Variants in AGTPBP1 observed in about 807,000 individuals in gnomAD.
AGTPBP1 encodes cytosolic carboxypeptidase 1.
AGTPBP1 carries 70 observed loss-of-function variants against 143.9 expected under a neutral mutation model. That is an observed-to-expected ratio of 0.49 (90% CI 0.40 to 0.59). The LOEUF is 0.59. Ranked by LOEUF, AGTPBP1 falls within the 20% of genes least tolerant of loss-of-function variation. The probability of loss-of-function intolerance (pLI) is 0.00; values close to 1 mark genes in which losing one functional copy is unlikely to be tolerated. For missense variants in AGTPBP1, 1,229 were observed against 1,464.5 expected (o/e 0.84, Z 2.62); for synonymous variants, 463 against 500.2 (o/e 0.93, Z 0.99).
In AGTPBP1 at chr9:85,578,906, C is replaced by G; in HGVS notation, c.3342+14G>C. 6.2e-7 allele frequency: 1 copy of G among 1,608,422 alleles called. No homozygotes were observed. Among genetic ancestry groups the G allele is most frequent in the East Asian group, 2.3e-5 (1 of 44,396 alleles). On this transcript the variant is annotated intron_variant, in intron 24 of 25. Coordinates refer to ENST00000357081, the MANE Select transcript of AGTPBP1 (RefSeq NM_001330701.2). ...CAAATATCTTTCATGGTTAGAAAAC[C>G]TAAGATGTTTTACCTTGTATTTTCC...
chr9:85,704,361 G>A (rs1393422380), intron 2 of AGTPBP1, among the ~76,000 whole-genome samples: 2 of 152,130 alleles, frequency 1.3e-5, no homozygotes, highest in African/African-American at 4.8e-5. Context: ...AGGAGTGTAA[G>A]GAAACTACCC....
intron 25 of AGTPBP1, among the ~76,000 whole-genome samples, chr9:85,565,340 T>C (rs1331471872): frequency 1.3e-5 from 2 of 151,620 alleles, no homozygotes; most frequent in Non-Finnish European, 2.9e-5. Context: ...GAGGGCTAAG[T>C]TGTGGAATAA....
chr9:85,686,003 TA>T (rs1564143897), intron 3 of AGTPBP1, among the ~76,000 whole-genome samples: 1 of 151,500 alleles, frequency 6.6e-6, no homozygotes, highest in Non-Finnish European at 1.5e-5. Context: ...AACGAAATTC[TA>T]AAAAAAAGTT....
intron 8 of AGTPBP1, among the ~76,000 whole-genome samples, chr9:85,667,559 C>A (rs1834201633): frequency 6.6e-6 from 1 of 152,054 alleles, no homozygotes; most frequent in African/African-American, 2.4e-5. Context: ...GGGTAGATAA[C>A]CTCAACTCAA....
the AGTPBP1 span, among the ~76,000 whole-genome samples, chr9:85,775,410 G>T: frequency 6.6e-6 from 1 of 151,554 alleles, no homozygotes; most frequent in Non-Finnish European, 1.5e-5. Context: ...CAGCATTTTG[G>T]AAGGTTGTGG....
At position 85,692,820 on chromosome 9, in the gene AGTPBP1, A is replaced by G; in HGVS notation, c.33-7T>C. ...CCTAGAATTATTGGTAAGGCTAAAA[A>G]GAACGTAGAATGTTAGGGCACATTC... On this transcript the variant is annotated splice_region_variant and splice_polypyrimidine_tract_variant and intron_variant, in intron 2 of 25. Coordinates refer to ENST00000357081, the MANE Select transcript of AGTPBP1 (RefSeq NM_001330701.2). The G allele has an allele frequency of 4.3e-6, 7 of 1,612,466 alleles. No homozygotes were observed. The highest frequency in any genetic ancestry group is 5.9e-6 in the Non-Finnish European group (7 of 1,179,434).
intron 11 of AGTPBP1, among the ~76,000 whole-genome samples, chr9:85,651,962 C>T (rs1833188050): frequency 6.6e-6 from 1 of 152,012 alleles, no homozygotes; most frequent in Non-Finnish European, 1.5e-5. Flanking sequence ...CTGCTAAATC[C>T]CTTGGAATTT....
intron 9 of AGTPBP1, among the ~76,000 whole-genome samples, chr9:85,658,964 G>A (rs1833696539): frequency 1.3e-5 from 2 of 152,078 alleles, no homozygotes; most frequent in Admixed American, 1.3e-4. Flanking sequence ...TTGGAAATAA[G>A]CCTTTAGTTT....
intron 25 of AGTPBP1, among the ~76,000 whole-genome samples, chr9:85,559,798 C>T (rs72744891): frequency 0.19 from 29,281 of 152,130 alleles, 3,652 homozygotes; most frequent in South Asian, 0.34. Context: ...ACAACAGTTC[C>T]GAGAAATCTC....
chr9:85,746,596 A>G (rs561423615), upstream of AGTPBP1, among the ~76,000 whole-genome samples: 5 of 152,214 alleles, frequency 3.3e-5, no homozygotes, highest in South Asian at 1.0e-3. Flanking sequence ...ACCACTGCAC[A>G]CCAGACTGGG....
At chr9:85,677,628 A>T (rs753206312) in intron 5 of AGTPBP1, 46 bp from the exon 6 acceptor site, 1 of 1,435,310 alleles carries the variant, frequency 7.0e-7, no homozygotes, top group East Asian at 2.6e-5. Context: ...ATTAAAAAAA[A>T]ATTAACAAAT....
chr9:85,612,284 A>T (rs1370453107), intron 17 of AGTPBP1, among the ~76,000 whole-genome samples: 1 of 152,302 alleles, frequency 6.6e-6, no homozygotes, highest in Non-Finnish European at 1.5e-5. Flanking sequence ...CCCAAACTCC[A>T]TCCTCAAGGG....
At chr9:85,670,539 A>G (rs574555799) in intron 7 of AGTPBP1, among the ~76,000 whole-genome samples, 4 of 152,306 alleles carry the variant, frequency 2.6e-5, no homozygotes, top group South Asian at 2.1e-4. Flanking sequence ...AAACTGTGCT[A>G]AACATTTTTA....
the AGTPBP1 span, among the ~76,000 whole-genome samples, chr9:85,762,332 T>A: frequency 6.6e-6 from 1 of 152,162 alleles, no homozygotes; most frequent in Non-Finnish European, 1.5e-5. Flanking sequence ...ATATGTTTAT[T>A]GCGGCACTAT....
chr9:85,775,542 TA>T, the AGTPBP1 span, among the ~76,000 whole-genome samples: 2 of 147,166 alleles, frequency 1.4e-5, no homozygotes, highest in South Asian at 2.1e-4. Flanking sequence ...TATAGATATA[TA>T]AAATATATAG....
At chr9:85,700,535 A>G (rs1054772469) in intron 2 of AGTPBP1, among the ~76,000 whole-genome samples, 2 of 152,188 alleles carry the variant, frequency 1.3e-5, no homozygotes, top group African/African-American at 4.8e-5. Flanking sequence ...CAGGTGCCCA[A>G]AAGGAGAACT....
intron 17 of AGTPBP1, among the ~76,000 whole-genome samples, chr9:85,617,088 ATTC>A: frequency 6.6e-6 from 1 of 152,262 alleles, no homozygotes; most frequent in East Asian, 1.9e-4. Flanking sequence ...ATGTGAAGTA[ATTC>A]TAGAGTATAC....
chr9:85,803,206 G>A, the AGTPBP1 span, among the ~76,000 whole-genome samples: 1 of 152,178 alleles, frequency 6.6e-6, no homozygotes, highest in Non-Finnish European at 1.5e-5. Context: ...TTTCTTCCCA[G>A]GCTTTCAATG....
At chr9:85,582,209 C>G (rs570142929) in intron 23 of AGTPBP1, among the ~76,000 whole-genome samples, 1 of 152,184 alleles carries the variant, frequency 6.6e-6, no homozygotes, top group South Asian at 2.1e-4. Flanking sequence ...ATTGATAGAC[C>G]TTATTCAAAT....
Sources: gnomAD v4.1 joint callset for allele counts (sites outside exome capture counted in the v4.1 genomes callset) on GRCh38, gnomAD v4.1.1 for gene constraint, MANE v1.5 for transcripts, NCBI Gene and HGNC (gene_info 2026-07-23, HGNC 2026-07-21) for gene names.